The following TERF2IP variants were observed in gnomAD, a reference collection of about 807,000 sequenced individuals.
TERF2IP encodes the protein TERF2 interacting protein.
A neutral mutation model predicts 33.3 loss-of-function variants in TERF2IP; 35 were observed. That is an observed-to-expected ratio of 1.05 (90% CI 0.80 to 1.39). TERF2IP has a LOEUF of 1.39. TERF2IP is among the 40% of genes most tolerant of loss of function. The probability of loss-of-function intolerance (pLI) is 0.00; values close to 1 mark genes in which losing one functional copy is unlikely to be tolerated. For missense variants in TERF2IP, 583 were observed against 524.8 expected (o/e 1.11, Z -1.08); for synonymous variants, 253 against 223.2 (o/e 1.13, Z -1.19).
At chr16:75,653,568 G>A (rs552302129) in intron 1 of TERF2IP, among the ~76,000 whole-genome samples, 2 of 152,288 alleles carry the variant, frequency 1.3e-5, no homozygotes, top group Admixed American at 1.3e-4. Flanking sequence ...AAAGGAACAG[G>A]ATGTTTAAAT....
At position 75,648,444 on chromosome 16, in the gene TERF2IP, C is replaced by T; in HGVS notation, c.562C>T (p.Leu188=). 6.2e-7 allele frequency: 1 copy of T among 1,602,624 alleles called. No individual in the cohort carries two copies. The highest frequency in any genetic ancestry group is 8.5e-7 in the Non-Finnish European group (1 of 1,175,524). The change falls in exon 1 of 3, where the codon CTG becomes TTG. Residue 188 remains leucine, a synonymous_variant. Coordinates refer to ENST00000300086, the MANE Select transcript of TERF2IP (RefSeq NM_018975.4). ...QSLKDRYLKH[L]RGQEHKYLLG... ...CCTGAAGGACCGCTACCTCAAGCAC[C>T]TGCGGGGCCAGGAGCATAAGTACCT...
intron 1 of TERF2IP, among the ~76,000 whole-genome samples, chr16:75,649,715 C>T (rs887178546): frequency 6.6e-6 from 1 of 152,022 alleles, no homozygotes; most frequent in Non-Finnish European, 1.5e-5. Context: ...AATGCTCTGG[C>T]GTAACTGAAT....
At position 75,647,951 on chromosome 16, in the gene TERF2IP, G is replaced by C; in HGVS notation, c.69G>C (p.Arg23Ser). ...CCCATTCCTCGACTCTGTTCGTGAG[G>C]GACGACGGCAGCTCCATGTCCTTCT... ...GPTHSSTLFV[R>S]DDGSSMSFYV... is the part of the protein sequence containing the mutation. Residue 23 changes from arginine to serine, a missense_variant, in exon 1 of 3, where the codon AGG becomes AGC. Arg to Ser is a moderately radical substitution (Grantham distance 110). Transcript: ENST00000300086. 3.7e-6 allele frequency: 6 copies of C among 1,613,712 alleles called. No homozygotes were observed. The highest frequency in any genetic ancestry group is 5.1e-6 in the Non-Finnish European group (6 of 1,179,746).
chr16:75,651,835 C>G (rs1162416527), intron 1 of TERF2IP, among the ~76,000 whole-genome samples: 1 of 152,122 alleles, frequency 6.6e-6, no homozygotes, highest in Admixed American at 6.5e-5. Flanking sequence ...GAGATAGCTT[C>G]CATTATACAA....
Position 75,648,434 on chromosome 16 carries a change from C to T in TERF2IP, c.552C>T (p.Tyr184=), listed in dbSNP as rs2082319872. 6.2e-6 allele frequency: 10 copies of T among 1,603,716 alleles called. No individual in the cohort carries two copies. Among genetic ancestry groups the T allele is most frequent in the Non-Finnish European group, 8.5e-6 (10 of 1,175,892 alleles). Residue 184 remains tyrosine, a synonymous_variant, in exon 1 of 3, where the codon TAC becomes TAT. Coordinates refer to ENST00000300086, the MANE Select transcript of TERF2IP (RefSeq NM_018975.4). ...CGTGGCAGTCCCTGAAGGACCGCTA[C>T]CTCAAGCACCTGCGGGGCCAGGAGC... The part of the protein sequence containing the change: ...QHSWQSLKDR[Y]LKHLRGQEHK...
intron 1 of TERF2IP, among the ~76,000 whole-genome samples, chr16:75,651,785 A>C (rs1486142745): frequency 6.6e-6 from 1 of 152,196 alleles, no homozygotes; most frequent in Non-Finnish European, 1.5e-5. Context: ...GAGATAATAA[A>C]TATGTGTGTT....
At chr16:75,654,432 C>A in intron 2 of TERF2IP, 35 bp downstream of exon 2, 2 of 1,599,870 alleles carry the variant, frequency 1.3e-6, no homozygotes, top group South Asian at 1.1e-5. Flanking sequence ...ATTTTTTTCC[C>A]TACCTTCATT....
chr16:75,656,891 T>G lies in TERF2IP; in HGVS notation c.*280T>G. Reference sequence around the variant, plus strand: ...AGACAGGAGTTGGTCTACATAGTAGTAATCCATTGTTGGAATGGAACCCTT... The same window carrying G: ...AGACAGGAGTTGGTCTACATAGTAGGAATCCATTGTTGGAATGGAACCCTT... On this transcript the variant is annotated 3_prime_UTR_variant, in exon 3 of 3. Coordinates refer to ENST00000300086, the MANE Select transcript of TERF2IP (RefSeq NM_018975.4). 1 of 343,744 alleles carries G rather than the reference T, an allele frequency of 2.9e-6. No individual in the cohort carries two copies. Among genetic ancestry groups the G allele is most frequent in the East Asian group, 5.1e-5 (1 of 19,508 alleles). 21.3% of individuals were successfully genotyped at this position (343,744 alleles called of 1,614,324 possible).
chr16:75,650,026 G>T (rs749848517), intron 1 of TERF2IP, among the ~76,000 whole-genome samples: 2 of 152,082 alleles, frequency 1.3e-5, no homozygotes, highest in Non-Finnish European at 2.9e-5. Flanking sequence ...TTTTTCTCCT[G>T]TTCAGTATGC....
intron 1 of TERF2IP, among the ~76,000 whole-genome samples, chr16:75,650,443 G>A (rs368023316): frequency 6.6e-6 from 1 of 152,210 alleles, no homozygotes; most frequent in South Asian, 2.1e-4. Context: ...TGGAGTAGGA[G>A]GGAGAATTAA....
Position 75,654,152 on chromosome 16 carries a change from A to C in TERF2IP, c.671-121A>C. 3 of 410,142 alleles carry C rather than the reference A, an allele frequency of 7.3e-6. No homozygotes were observed. The East Asian group carries it at 2.3e-4, about 31-fold the overall frequency. 25.4% of individuals were successfully genotyped at this position (410,142 alleles called of 1,614,324 possible). ...AGAACAGATGTCTTCTGATAGTAAAAAAAAAAAAAAAAAAAAAAAAAGTGC... is the reference window on the plus strand; with the variant it reads ...AGAACAGATGTCTTCTGATAGTAAACAAAAAAAAAAAAAAAAAAAAAGTGC... On this transcript the variant is annotated intron_variant, in intron 1 of 2. Transcript: ENST00000300086.
intron 1 of TERF2IP, 99 bp from the exon 2 acceptor site, chr16:75,654,174 G>T (rs532726108): frequency 0.012 from 5,220 of 417,912 alleles, no homozygotes; most frequent in Non-Finnish European, 0.016. Flanking sequence ...AAAAAAAAAA[G>T]TGCAGGCTCA....
intron 2 of TERF2IP, among the ~76,000 whole-genome samples, chr16:75,655,612 C>T (rs1433261053): frequency 6.6e-6 from 1 of 152,212 alleles, no homozygotes; most frequent in African/African-American, 2.4e-5. Context: ...ACTTCAAACA[C>T]TCAGCTCTCA....
intron 1 of TERF2IP, among the ~76,000 whole-genome samples, chr16:75,651,555 G>C (rs980897299): frequency 2.6e-5 from 4 of 152,118 alleles, no homozygotes; most frequent in Non-Finnish European, 5.9e-5. Context: ...CAGGCATGGT[G>C]GCATGCGCCT....
At chr16:75,654,440 A>G (rs1338554369) in intron 2 of TERF2IP, 43 bp downstream of exon 2, 3 of 1,593,822 alleles carry the variant, frequency 1.9e-6, no homozygotes, top group Non-Finnish European at 2.6e-6. Context: ...CCCTACCTTC[A>G]TTCTTCTTTG....
rs762174244 is a variant in TERF2IP, at chr16:75,648,099, G to C, written c.217G>C (p.Glu73Gln). Residue 73 changes from glutamate to glutamine, a missense_variant, in exon 1 of 3, where the codon GAG becomes CAG. Glu to Gln is a conservative substitution (Grantham distance 29). Transcript: ENST00000300086. ...LLAQPGEALA[E>Q]ASGDFISTQY... Reference sequence around the variant, plus strand: ...GGCCCAGCCCGGGGAGGCGCTGGCCGAGGCCTCGGGTGATTTCATCTCCAC... The same window carrying C: ...GGCCCAGCCCGGGGAGGCGCTGGCCCAGGCCTCGGGTGATTTCATCTCCAC... 6.4e-7 allele frequency: 1 copy of C among 1,558,258 alleles called. No individual in the cohort carries two copies. The highest frequency in any genetic ancestry group is 8.7e-7 in the Non-Finnish European group (1 of 1,152,332).
chr16:75,650,196 A>G (rs1187918156), intron 1 of TERF2IP, among the ~76,000 whole-genome samples: 2 of 152,350 alleles, frequency 1.3e-5, no homozygotes, highest in East Asian at 3.9e-4. Context: ...GGTAAGGGCT[A>G]TAGAGAAAAA....
chr16:75,648,363 A>G lies in TERF2IP; in HGVS notation c.481A>G (p.Asn161Asp). The change falls in exon 1 of 3, where the codon AAC becomes GAC. Residue 161 changes from asparagine to aspartate, a missense_variant. Transcript: ENST00000300086. ...NARSPSSVTG[N>D]ALWKAMEKSS... is the part of the protein sequence containing the mutation. ...CCGCTCGCCCAGCTCCGTCACCGGT[A>G]ACGCCTTGTGGAAAGCGATGGAGAA... 2 of 1,602,576 alleles carry G rather than the reference A, an allele frequency of 1.2e-6. No individual in the cohort carries two copies. Among genetic ancestry groups the G allele is most frequent in the Non-Finnish European group, 1.7e-6 (2 of 1,175,086 alleles).
chr16:75,648,404 G>T lies in TERF2IP; in HGVS notation c.522G>T (p.Gln174His), dbSNP rs541805876. ...WKAMEKSSLT[Q>H]HSWQSLKDRY... is the part of the protein sequence containing the mutation. Reference sequence around the variant, plus strand: ...CGATGGAGAAGAGCTCGCTCACGCAGCACTCGTGGCAGTCCCTGAAGGACC... The same window carrying T: ...CGATGGAGAAGAGCTCGCTCACGCATCACTCGTGGCAGTCCCTGAAGGACC... Residue 174 changes from glutamine (Q) to histidine (H), a missense_variant, in exon 1 of 3, where the codon CAG (glutamine) becomes CAT (histidine). Transcript: ENST00000300086. 25 of 1,607,386 alleles carry T rather than the reference G, an allele frequency of 1.6e-5. No individual in the cohort carries two copies. In the South Asian group the frequency reaches 2.8e-4, roughly 18 times the overall value.
Sources: gnomAD v4.1 joint callset for allele counts (sites outside exome capture counted in the v4.1 genomes callset) on GRCh38, gnomAD v4.1.1 for gene constraint, MANE v1.5 for transcripts, NCBI Gene and HGNC (gene_info 2026-07-23, HGNC 2026-07-21) for gene names.